Variants in CSMD1 observed in about 807,000 individuals in gnomAD.
CSMD1 encodes the protein CUB and Sushi multiple domains 1, also known as CUB and sushi domain-containing protein 1.
In CSMD1, 213 loss-of-function variants were observed where a neutral mutation model predicts 417.5. That is an observed-to-expected ratio of 0.51 (90% CI 0.46 to 0.57). The LOEUF (loss-of-function observed/expected upper bound fraction) is 0.57, where lower values mean the gene tolerates loss of function less well. CSMD1 is among the 20% of genes least tolerant of loss of function. CSMD1 has a pLI of 0.00. For synonymous variants in CSMD1, 2,862 were observed against 1,736.8 expected (o/e 1.65, Z -16.11); for missense variants, 6,923 against 4,529.7 (o/e 1.53, Z -15.17).
At chr8:4,382,683 A>C (rs142377695) in intron 3 of CSMD1, among the ~76,000 whole-genome samples, 18 of 152,320 alleles carry the variant, frequency 1.2e-4, no homozygotes, top group Middle Eastern at 3.4e-3. Flanking sequence ...TAAATAATGT[A>C]AATTAAGATA....
chr8:3,697,182 C>G (rs1195846397), intron 7 of CSMD1, among the ~76,000 whole-genome samples: 1 of 152,110 alleles, frequency 6.6e-6, no homozygotes, highest in Non-Finnish European at 1.5e-5. Flanking sequence ...TTCAGTGAGG[C>G]TAAATTATCA....
chr8:4,740,657 T>C (rs1415808575), intron 1 of CSMD1, among the ~76,000 whole-genome samples: 1 of 152,232 alleles, frequency 6.6e-6, no homozygotes, highest in Non-Finnish European at 1.5e-5. Context: ...GCTCTCTGGC[T>C]TTTCACTAAG....
intron 1 of CSMD1, among the ~76,000 whole-genome samples, chr8:4,665,623 C>G (rs959083569): frequency 6.6e-6 from 1 of 152,160 alleles, no homozygotes; most frequent in Admixed American, 6.5e-5. Context: ...TGCATGCAGC[C>G]TTTTGCAATG....
At chr8:4,082,603 T>C (rs916731046) in intron 3 of CSMD1, among the ~76,000 whole-genome samples, 1 of 145,212 alleles carries the variant, frequency 6.9e-6, no homozygotes, top group South Asian at 2.4e-4. Context: ...CCTTTCTTTT[T>C]TCGTTTTATT....
At chr8:4,030,225 T>A (rs750031211) in intron 4 of CSMD1, among the ~76,000 whole-genome samples, 1 of 152,150 alleles carries the variant, frequency 6.6e-6, no homozygotes, top group Non-Finnish European at 1.5e-5. Context: ...CAGTAGGGAC[T>A]CTGTGGGGGA....
At chr8:3,395,448 C>G (rs1811627902) in intron 17 of CSMD1, among the ~76,000 whole-genome samples, 1 of 152,044 alleles carries the variant, frequency 6.6e-6, no homozygotes, top group Non-Finnish European at 1.5e-5. Flanking sequence ...AGCTAGATTT[C>G]AGAAGTATAT....
chr8:4,209,076 T>C (rs1212105075), intron 3 of CSMD1, among the ~76,000 whole-genome samples: 1 of 152,188 alleles, frequency 6.6e-6, no homozygotes, highest in Admixed American at 6.5e-5. Flanking sequence ...TTTCTTTTTT[T>C]GTCCTCTCTT....
At chr8:3,311,985 G>T (rs556605608) in intron 23 of CSMD1, among the ~76,000 whole-genome samples, 53 of 152,160 alleles carry the variant, frequency 3.5e-4, no homozygotes, top group Admixed American at 3.3e-3. Context: ...GGTTAACAAA[G>T]TTCTAAAATC....
At chr8:3,596,547 G>A (rs544047958) in intron 8 of CSMD1, among the ~76,000 whole-genome samples, 9 of 152,238 alleles carry the variant, frequency 5.9e-5, no homozygotes, top group African/African-American at 7.2e-5. Flanking sequence ...TAAATCCGTG[G>A]TTGATCAGTA....
At chr8:3,063,768 A>G (rs1333035560) in intron 49 of CSMD1, among the ~76,000 whole-genome samples, 3 of 152,194 alleles carry the variant, frequency 2.0e-5, no homozygotes, top group Non-Finnish European at 2.9e-5. Flanking sequence ...TGAGGTGCCT[A>G]GAGTAGTTGA....
At chr8:3,967,653 C>A (rs1447625604) in intron 5 of CSMD1, among the ~76,000 whole-genome samples, 10 of 152,052 alleles carry the variant, frequency 6.6e-5, no homozygotes, top group Admixed American at 5.9e-4. Context: ...CATTCCCTGC[C>A]TACAATTGTC....
intron 25 of CSMD1, among the ~76,000 whole-genome samples, chr8:3,296,741 C>T (rs1446451800): frequency 2.0e-5 from 3 of 152,014 alleles, no homozygotes; most frequent in South Asian, 2.1e-4. Flanking sequence ...ATGTGCTGGC[C>T]CTGTAGGTTT....
At chr8:2,979,004 C>G (rs1805178408) in intron 54 of CSMD1, among the ~76,000 whole-genome samples, 1 of 152,142 alleles carries the variant, frequency 6.6e-6, no homozygotes, top group South Asian at 2.1e-4. Flanking sequence ...ACTGGTCGAC[C>G]ACGATAGCAA....
In CSMD1 at chr8:4,329,331, C is replaced by G. The variant is rs760365944; in HGVS notation, c.415+90622G>C. On this transcript the variant is annotated intron_variant, in intron 3 of 69. Coordinates refer to ENST00000635120, the MANE Select transcript of CSMD1 (RefSeq NM_033225.6). ...TGAGATGGAGTCTTGCTATCTCACCCAGGCTGGAGTGCAGTGATGCATTCT... is the reference window on the plus strand; with the variant it reads ...TGAGATGGAGTCTTGCTATCTCACCGAGGCTGGAGTGCAGTGATGCATTCT... Among the ~76,000 whole-genome samples, 3 of 152,138 alleles carry G rather than the reference C, an allele frequency of 2.0e-5. No individual in the cohort carries two copies. In the South Asian group the frequency reaches 6.2e-4, roughly 32 times the overall value.
chr8:4,363,873 G>C (rs745842186), intron 3 of CSMD1, among the ~76,000 whole-genome samples: 1 of 152,172 alleles, frequency 6.6e-6, no homozygotes, highest in Non-Finnish European at 1.5e-5. Flanking sequence ...CATGGACATA[G>C]AGAGTAAAGG....
At chr8:4,426,749 A>T (rs759745286) in intron 2 of CSMD1, among the ~76,000 whole-genome samples, 3 of 147,920 alleles carry the variant, frequency 2.0e-5, no homozygotes, top group Non-Finnish European at 3.0e-5. Flanking sequence ...ACAATATAGT[A>T]ATATAGTAAT....
rs541774749 is a variant in CSMD1 at position 3,143,447 on chromosome 8, T to C, written c.6032-773A>G. ...CAAATGACCAGTATCTCTGATATCA[T>C]ACTCATCTGTGAATTAAATAAACTA... On this transcript the variant is annotated intron_variant, in intron 40 of 69. Coordinates refer to ENST00000635120, the MANE Select transcript of CSMD1 (RefSeq NM_033225.6). 2.6e-5 allele frequency among the ~76,000 whole-genome samples: 4 copies of C among 152,350 alleles called. No individual in the cohort carries two copies. In the South Asian group the frequency reaches 6.2e-4, roughly 24 times the overall value.
chr8:4,029,418 T>C (rs573085414), intron 4 of CSMD1, among the ~76,000 whole-genome samples: 1 of 152,280 alleles, frequency 6.6e-6, no homozygotes, highest in South Asian at 2.1e-4. Flanking sequence ...AAGGAGGACC[T>C]AGCCACGTCT....
At position 3,115,414 on chromosome 8, in the gene CSMD1, C is replaced by T. The variant is rs958653778; in HGVS notation, c.6430+2985G>A. On this transcript the variant is annotated intron_variant, in intron 42 of 69. Coordinates refer to ENST00000635120, the MANE Select transcript of CSMD1 (RefSeq NM_033225.6). ...TTGGGGTTTTGCCATGTTGGCCAGG[C>T]TTGTCTCAAACTCCTGACCTCAGGT... Among the ~76,000 whole-genome samples, 11 of 152,150 alleles carry T rather than the reference C, an allele frequency of 7.2e-5. 1 individual carries two copies. The highest frequency in any genetic ancestry group is 2.1e-4 in the South Asian group (1 of 4,830).
Sources: gnomAD v4.1 joint callset for allele counts (sites outside exome capture counted in the v4.1 genomes callset) on GRCh38, gnomAD v4.1.1 for gene constraint, MANE v1.5 for transcripts, NCBI Gene and HGNC (gene_info 2026-07-23, HGNC 2026-07-21) for gene names.